The following ADAM7 variants were observed in gnomAD, a reference collection of about 807,000 sequenced individuals.
ADAM7 encodes ADAM metallopeptidase domain 7, also known as disintegrin and metalloproteinase domain-containing protein 7.
Under a neutral mutation model 102.9 loss-of-function variants are expected in ADAM7, and 97 were observed. The observed-to-expected ratio is 0.94, with a 90% CI of 0.80 to 1.12. ADAM7 has a LOEUF of 1.12. ADAM7 is among the 50% of genes most tolerant of loss of function. The pLI is 0.00. For missense variants in ADAM7, 991 were observed against 908.7 expected (o/e 1.09, Z -1.16); for synonymous variants, 334 against 304.4 (o/e 1.10, Z -1.01).
chr8:24,482,382 A>T (rs1431290314), intron 9 of ADAM7, 71 bp downstream of exon 9: 3 of 1,419,070 alleles, frequency 2.1e-6, no homozygotes, highest in Non-Finnish European at 2.8e-6. Flanking sequence ...AAAAATTAAC[A>T]GAAAAAAAAC....
At chr8:24,499,355 C>A (rs957099642) in intron 17 of ADAM7, 39 bp downstream of exon 17, 15 of 1,482,706 alleles carry the variant, frequency 1.0e-5, no homozygotes, top group Non-Finnish European at 1.4e-5. Context: ...GTCTTATCAG[C>A]CATATATTTA....
Position 24,491,879 on chromosome 8 carries a change from A to G in ADAM7, c.1357-24A>G, listed in dbSNP as rs200413844. The G allele has an allele frequency of 7.1e-6, 11 of 1,555,536 alleles. No homozygotes were observed. In the Admixed American group the frequency reaches 1.4e-4, roughly 20 times the overall value. On this transcript the variant is annotated intron_variant, in intron 13 of 21. Coordinates refer to ENST00000175238, the MANE Select transcript of ADAM7 (RefSeq NM_003817.4). ...ACCTACCTAAATGTATCCAGGATTT[A>G]GTCTCTTTGTTTTTCCTCAACAGAT...
At chr8:24,472,605 C>A (rs1819644155) in intron 7 of ADAM7, among the ~76,000 whole-genome samples, 1 of 151,138 alleles carries the variant, frequency 6.6e-6, no homozygotes, top group Non-Finnish European at 1.5e-5. Flanking sequence ...GGTAGCATAC[C>A]AGTATTTAGA....
In ADAM7 at chr8:24,500,096, T is replaced by C. The variant is rs564068023; in HGVS notation, c.1924-82T>C. On this transcript the variant is annotated intron_variant, in intron 17 of 21. Transcript: ENST00000175238. ...TGCTTGTGTGCATGTATGTTTGATG[T>C]AGAGGTAGCACTAAAGTAAGTGAGT... 1,606 of 1,230,694 alleles carry C rather than the reference T, an allele frequency of 1.3e-3. 1 individual carries two copies. The highest frequency in any genetic ancestry group is 1.7e-3 in the Non-Finnish European group (1,489 of 873,868). The allele number at this position is 1,230,694 out of a possible 1,614,324, so 76.2% of individuals were successfully genotyped here.
chr8:24,460,963 G>A (rs992216018), intron 3 of ADAM7, among the ~76,000 whole-genome samples: 3 of 151,950 alleles, frequency 2.0e-5, no homozygotes, highest in Non-Finnish European at 4.4e-5. Context: ...TTGTAGCATA[G>A]ATCTGTGGCA....
intron 6 of ADAM7, chr8:24,467,309 T>G: frequency 2.7e-6 from 1 of 365,428 alleles, no homozygotes; most frequent in Non-Finnish European, 4.9e-6. Flanking sequence ...TTTCCTTTTC[T>G]TCCCTGCCAT....
intron 16 of ADAM7, among the ~76,000 whole-genome samples, chr8:24,493,639 A>G (rs1450647550): frequency 1.3e-5 from 2 of 152,224 alleles, no homozygotes; most frequent in Non-Finnish European, 2.9e-5. Flanking sequence ...AATTTCATAC[A>G]GTAAAAATTA....
At chr8:24,482,425 C>A in intron 9 of ADAM7, 114 bp downstream of exon 9, 1 of 1,053,552 alleles carries the variant, frequency 9.5e-7, no homozygotes, top group Non-Finnish European at 1.4e-6. Flanking sequence ...GGGTAGCACA[C>A]AGGGACAAAA....
chr8:24,486,847 T>C (rs898508847), intron 10 of ADAM7, among the ~76,000 whole-genome samples: 1 of 152,182 alleles, frequency 6.6e-6, no homozygotes, highest in South Asian at 2.1e-4. Flanking sequence ...CTTCGACATA[T>C]GAATTTTGAA....
chr8:24,450,240 C>A (rs1453836288), intron 3 of ADAM7, among the ~76,000 whole-genome samples: 2 of 152,134 alleles, frequency 1.3e-5, no homozygotes, highest in Non-Finnish European at 2.9e-5. Context: ...TTACCTTGGG[C>A]AGTATGGCCA....
chr8:24,487,298 G>A lies in ADAM7; in HGVS notation c.1072G>A (p.Val358Met), dbSNP rs146451180. 2.2e-3 allele frequency: 3,534 copies of A among 1,613,602 alleles called. 27 individuals carry two copies. The highest frequency in any genetic ancestry group is 0.015 in the South Asian group (1,322 of 91,062). Residue 358 changes from valine (V) to methionine (M), a missense_variant, in exon 11 of 22, where the codon GTG becomes ATG. Coordinates refer to ENST00000175238, the MANE Select transcript of ADAM7 (RefSeq NM_003817.4). ...ATGCACCTGTCCTTCAGGAAAATGC[G>A]TGATGGACAGTGATGGAAGGTGAGA... The part of the protein sequence containing the change: ...FPCTCPSGKC[V>M]MDSDGSIPAL...
rs750808611 is a variant in ADAM7, at chr8:24,500,915, T to C, written c.2108+20T>C. Reference sequence around the variant, plus strand: ...TCAGAGGTACATTTACATTTTTCTATGTGTTGAAGAAGGGAATTGTTACTG... The same window carrying C: ...TCAGAGGTACATTTACATTTTTCTACGTGTTGAAGAAGGGAATTGTTACTG... On this transcript the variant is annotated intron_variant, in intron 19 of 21. Transcript: ENST00000175238. 2.5e-6 allele frequency: 4 copies of C among 1,574,796 alleles called. No individual in the cohort carries two copies. Among genetic ancestry groups the C allele is most frequent in the Non-Finnish European group, 1.7e-6 (2 of 1,145,838 alleles).
At chr8:24,444,692 A>AT (rs1818488737) in intron 2 of ADAM7, among the ~76,000 whole-genome samples, 1 of 151,746 alleles carries the variant, frequency 6.6e-6, no homozygotes, top group Non-Finnish European at 1.5e-5. Context: ...AAAAAAAAAA[A>AT]CACAAAAAAA....
intron 2 of ADAM7, among the ~76,000 whole-genome samples, chr8:24,445,186 A>G (rs1818510336): frequency 6.6e-6 from 1 of 152,092 alleles, no homozygotes; most frequent in Non-Finnish European, 1.5e-5. Flanking sequence ...ACACACACAC[A>G]TACACACCTC....
chr8:24,479,115 C>A (rs1396252894), intron 8 of ADAM7, among the ~76,000 whole-genome samples: 1 of 152,084 alleles, frequency 6.6e-6, no homozygotes, highest in African/African-American at 2.4e-5. Flanking sequence ...GAGCCAGCAC[C>A]TCCCTTCACA....
chr8:24,455,597 T>C (rs114753973), intron 3 of ADAM7, among the ~76,000 whole-genome samples: 3,825 of 152,266 alleles, frequency 0.025, 170 homozygotes, highest in African/African-American at 0.087. Flanking sequence ...GCAGAGATGG[T>C]GTTTCACCCT....
intron 2 of ADAM7, among the ~76,000 whole-genome samples, chr8:24,445,127 G>T (rs1818507375): frequency 6.6e-6 from 1 of 151,900 alleles, no homozygotes; most frequent in East Asian, 1.9e-4. Flanking sequence ...TTCCAAAAAA[G>T]TTCCATTGCC....
intron 8 of ADAM7, among the ~76,000 whole-genome samples, chr8:24,480,895 AAG>A (rs1484483402): frequency 2.0e-5 from 3 of 152,016 alleles, no homozygotes; most frequent in African/African-American, 7.2e-5. Flanking sequence ...CAACAACAAA[AAG>A]AAATAAATAA....
At chr8:24,458,479 A>T (rs1819121571) in intron 3 of ADAM7, among the ~76,000 whole-genome samples, 1 of 152,192 alleles carries the variant, frequency 6.6e-6, no homozygotes. Flanking sequence ...ACAATATAAA[A>T]GCAAAATGGA....
Sources: gnomAD v4.1 joint callset for allele counts (sites outside exome capture counted in the v4.1 genomes callset) on GRCh38, gnomAD v4.1.1 for gene constraint, MANE v1.5 for transcripts, NCBI Gene and HGNC (gene_info 2026-07-23, HGNC 2026-07-21) for gene names.